TAF4: variants seen among roughly 807,000 people sequenced by gnomAD.
TAF4 encodes the protein TATA-box binding protein associated factor 4.
A neutral mutation model predicts 90.3 loss-of-function variants in TAF4; 9 were observed. The ratio of observed to expected loss-of-function variants is 0.10; its 90% CI spans 0.06 to 0.17. TAF4 has a LOEUF of 0.17. TAF4 is among the 10% of genes least tolerant of loss of function. The pLI is 1.00. For synonymous variants in TAF4, 818 were observed against 638.9 expected, an observed-to-expected ratio of 1.28 and a Z score of -4.23; for missense variants, 1,351 against 1,370.7, an observed-to-expected ratio of 0.99 and a Z score of 0.23.
rs2055487021 is a variant in TAF4, at chr20:61,975,435, T to C, written c.*733A>G. On this transcript the variant is annotated 3_prime_UTR_variant, in exon 15 of 15. Transcript: ENST00000252996. ...AAAAACACAGTGCAAGTAAAATATA[T>C]TTATGCTGAAAAGGTTTTCATCTCT... 6.6e-6 allele frequency: 1 copy of C among 152,336 alleles called. No homozygotes were observed. Among genetic ancestry groups the C allele is most frequent in the African/African-American group, 2.4e-5 (1 of 41,390 alleles). The allele number at this position is 152,336 out of a possible 1,614,324, so 9.4% of individuals were successfully genotyped here.
chr20:62,000,401 T>C (rs2123124585), intron 10 of TAF4, 147 bp from the exon 11 acceptor site: 1 of 1,388,410 alleles, frequency 7.2e-7, no homozygotes, highest in Admixed American at 2.2e-5. Context: ...GTGGTACCCA[T>C]ATTTTACCCA....
intron 1 of TAF4, among the ~76,000 whole-genome samples, chr20:62,055,043 C>G (rs1167024554): frequency 6.6e-6 from 1 of 152,228 alleles, no homozygotes. Flanking sequence ...AGCTCAGACG[C>G]AAAAGTGACC....
rs143217243 is a variant in TAF4 at position 61,976,214 on chromosome 20, C to T, written c.3212G>A (p.Arg1071His). 354 of 1,614,100 alleles carry T rather than the reference C, an allele frequency of 2.2e-4. 3 individuals are homozygous for T. The Admixed American group carries it at 5.5e-3, about 25-fold the overall frequency. ...RDLIFCLENE[R>H]ETSHSLLLYK... ...GAGCAGCAGTGAATGGCTTGTCTCACGTTCATTTTCTAAACAAAATATGAG... is the reference window on the plus strand; with the variant it reads ...GAGCAGCAGTGAATGGCTTGTCTCATGTTCATTTTCTAAACAAAATATGAG... The change falls in exon 15 of 15, where the codon CGT (arginine) becomes CAT (histidine). Residue 1071 changes from arginine to histidine, a missense_variant. This residue lies in a region of TAF4 where 13 missense variants were observed against 40.6 expected (regional missense o/e 0.32). Coordinates refer to ENST00000252996, the MANE Select transcript of TAF4 (RefSeq NM_003185.4).
At chr20:62,041,276 A>G (rs1330726088) in intron 1 of TAF4, among the ~76,000 whole-genome samples, 2 of 152,184 alleles carry the variant, frequency 1.3e-5, no homozygotes, top group African/African-American at 4.8e-5. Flanking sequence ...ATTGTATATA[A>G]ATTATGTCCC....
chr20:61,990,877 G>A (rs1431131106), intron 14 of TAF4, among the ~76,000 whole-genome samples: 6 of 152,148 alleles, frequency 3.9e-5, no homozygotes, highest in African/African-American at 1.4e-4. Context: ...GTCAGCAAAC[G>A]CTGCAAACCA....
At position 62,003,818 on chromosome 20, in the gene TAF4, G is replaced by T; in HGVS notation, c.2284C>A (p.Gln762Lys). ...LIRPPQVTLT[Q>K]TPMVALRQPH... Reference sequence around the variant, plus strand: ...TGCCGCAGGGCGACCATGGGTGTCTGCGTCAACGTCACCTGCGGGGGCCGG... The same window carrying T: ...TGCCGCAGGGCGACCATGGGTGTCTTCGTCAACGTCACCTGCGGGGGCCGG... Residue 762 changes from glutamine (Q) to lysine (K), a missense_variant, in exon 8 of 15, where the codon CAG becomes AAG. Gln to Lys is a moderately conservative substitution (Grantham distance 53). Around this residue, in one of 9 missense-constraint regions of TAF4, gnomAD observed 202 missense variants for 229.7 expected, o/e 0.88. Coordinates refer to ENST00000252996, the MANE Select transcript of TAF4 (RefSeq NM_003185.4). The T allele has an allele frequency of 6.2e-7, 1 of 1,606,596 alleles. No homozygotes were observed.
At chr20:61,994,873 T>A (rs890831264) in intron 14 of TAF4, among the ~76,000 whole-genome samples, 2 of 151,774 alleles carry the variant, frequency 1.3e-5, no homozygotes, top group Admixed American at 6.6e-5. Context: ...AGCATGGGAG[T>A]CCAGCCTGCC....
chr20:62,022,861 G>GCC (rs5842371), intron 1 of TAF4, among the ~76,000 whole-genome samples: 123 of 148,418 alleles, frequency 8.3e-4, no homozygotes, highest in Middle Eastern at 6.9e-3. Context: ...AGCACTTGCA[G>GCC]CCCCCCCCCC....
chr20:62,047,628 C>T (rs1330882347), intron 1 of TAF4, among the ~76,000 whole-genome samples: 4 of 152,202 alleles, frequency 2.6e-5, no homozygotes, highest in Admixed American at 2.6e-4. Flanking sequence ...GAGGCACCAT[C>T]ACACTGGAAA....
At position 62,000,633 on chromosome 20, in the gene TAF4, A is replaced by C. The variant is rs1177003522; in HGVS notation, c.2575T>G (p.Leu859Val). ...CAGGACCGCGTTAGCGTGCCCACCAATTCAGAGTTCGTGGCTAATATTCTT... is the reference window on the plus strand; with the variant it reads ...CAGGACCGCGTTAGCGTGCCCACCACTTCAGAGTTCGTGGCTAATATTCTT... ...SARILATNSE[L>V]VGTLTRSCKD... The change falls in exon 10 of 15, where the codon TTG becomes GTG. Residue 859 changes from leucine (L) to valine (V), a missense_variant. This residue lies in a region of TAF4 where 95 missense variants were observed against 151.3 expected (regional missense o/e 0.63). Transcript: ENST00000252996. 1 of 1,614,274 alleles carries C rather than the reference A, an allele frequency of 6.2e-7. No homozygotes were observed. The highest frequency in any genetic ancestry group is 8.5e-7 in the Non-Finnish European group (1 of 1,180,042).
intron 1 of TAF4, among the ~76,000 whole-genome samples, chr20:62,054,572 C>T (rs1448407245): frequency 6.6e-6 from 1 of 152,190 alleles, no homozygotes; most frequent in Non-Finnish European, 1.5e-5. Context: ...GAGCTGACAG[C>T]TCTTTGCTCT....
intron 14 of TAF4, among the ~76,000 whole-genome samples, chr20:61,990,727 T>C (rs2123110702): frequency 1.3e-5 from 2 of 152,002 alleles, no homozygotes; most frequent in South Asian, 4.2e-4. Context: ...TGGGAGTGAA[T>C]CAGTACTGAG....
chr20:62,007,705 A>G, intron 5 of TAF4, 69 bp from the exon 6 acceptor site: 1 of 1,432,328 alleles, frequency 7.0e-7, no homozygotes, highest in Non-Finnish European at 9.6e-7. Context: ...ATCCCGCATC[A>G]CTCTGGTCTC....
rs2055772983 is a variant in TAF4, at chr20:62,010,600, G to A, written c.1642-435C>T. Among the ~76,000 whole-genome samples, 1 of 152,122 alleles carries A rather than the reference G, an allele frequency of 6.6e-6. No individual in the cohort carries two copies. Among genetic ancestry groups the A allele is most frequent in the Non-Finnish European group, 1.5e-5 (1 of 68,032 alleles). ...CCCAGGTGCAGAGGCTGGCTACAGG[G>A]CGGTCAGGGCTCCACAGCCGCAGCC... is the stretch of plus-strand genomic sequence containing the variant. On this transcript the variant is annotated intron_variant, in intron 3 of 14. Transcript: ENST00000252996. The surrounding 1 kb of genome is among the most constrained non-coding windows in gnomAD (Gnocchi z 4.5).
intron 1 of TAF4, among the ~76,000 whole-genome samples, chr20:62,015,319 A>T (rs1054715893): frequency 6.6e-6 from 1 of 152,270 alleles, no homozygotes; most frequent in Non-Finnish European, 1.5e-5. Context: ...TTTGCCCGTC[A>T]TGGTTCTTGA....
chr20:62,025,332 G>A (rs2055868675), intron 1 of TAF4, among the ~76,000 whole-genome samples: 1 of 152,216 alleles, frequency 6.6e-6, no homozygotes, highest in African/African-American at 2.4e-5. Context: ...TAATGGAAAA[G>A]CACTCAAATA....
chr20:61,985,566 C>T (rs1294139674), intron 14 of TAF4, among the ~76,000 whole-genome samples: 3 of 151,924 alleles, frequency 2.0e-5, no homozygotes, highest in Admixed American at 6.6e-5. Flanking sequence ...GTAGTTAGCA[C>T]GTTTGTTTCT....
intron 11 of TAF4, among the ~76,000 whole-genome samples, chr20:61,999,635 A>G (rs1236926873): frequency 6.6e-6 from 1 of 152,158 alleles, no homozygotes; most frequent in Non-Finnish European, 1.5e-5. Flanking sequence ...GCCCAGAGAG[A>G]GAGGCAGGTG....
intron 3 of TAF4, among the ~76,000 whole-genome samples, chr20:62,011,847 C>T (rs540489910): frequency 2.0e-5 from 3 of 152,310 alleles, no homozygotes; most frequent in African/African-American, 4.8e-5. Context: ...TAGAGACCTA[C>T]GCATCCACGG....
Sources: gnomAD v4.1 joint callset for allele counts (sites outside exome capture counted in the v4.1 genomes callset) on GRCh38, gnomAD v4.1.1 for gene constraint, gnomAD v4.1.1 regional missense constraint, Gnocchi (gnomAD v3.1) non-coding constraint, MANE v1.5 for transcripts, NCBI Gene and HGNC (gene_info 2026-07-23, HGNC 2026-07-21) for gene names.